KIAA1671: variants seen among roughly 807,000 people sequenced by gnomAD.
KIAA1671 encodes KIAA1671, also known as uncharacterized protein KIAA1671.
A neutral mutation model predicts 131.2 loss-of-function variants in KIAA1671; 52 were observed. That is an observed-to-expected ratio of 0.40 (90% CI 0.32 to 0.50). The LOEUF (loss-of-function observed/expected upper bound fraction) is 0.50. KIAA1671 is among the 20% of genes least tolerant of loss of function. KIAA1671 has a pLI of 0.73. For synonymous variants in KIAA1671, 1,003 were observed against 961.6 expected (o/e 1.04, Z -0.80); for missense variants, 2,360 against 2,364.2 (o/e 1.00, Z 0.04).
At chr22:25,158,142 CA>C (rs1299116286) in intron 6 of KIAA1671, among the ~76,000 whole-genome samples, 5 of 152,160 alleles carry the variant, frequency 3.3e-5, no homozygotes, top group African/African-American at 1.2e-4. Flanking sequence ...TTATAAAAAA[CA>C]ATTTGTTTTA....
intron 5 of KIAA1671, among the ~76,000 whole-genome samples, chr22:25,043,281 G>A (rs1436304250): frequency 6.6e-6 from 1 of 152,196 alleles, no homozygotes; most frequent in Non-Finnish European, 1.5e-5. Flanking sequence ...GCTCTAGGGT[G>A]TTGGCAGAGG....
At chr22:25,133,628 G>C (rs770822152) in intron 6 of KIAA1671, among the ~76,000 whole-genome samples, 1 of 152,048 alleles carries the variant, frequency 6.6e-6, no homozygotes, top group Non-Finnish European at 1.5e-5. Context: ...CTGCAGCCTC[G>C]AACTCCTGGG....
intron 6 of KIAA1671, among the ~76,000 whole-genome samples, chr22:25,113,911 C>T (rs1931520823): frequency 6.6e-6 from 1 of 152,210 alleles, no homozygotes; most frequent in African/African-American, 2.4e-5. Context: ...CTGTTTGTTT[C>T]TCTGTCACTC....
chr22:24,981,376 G>T (rs1655177114), intron 1 of KIAA1671, among the ~76,000 whole-genome samples: 2 of 152,140 alleles, frequency 1.3e-5, no homozygotes, highest in South Asian at 4.1e-4. Context: ...ACTGACCCGG[G>T]GCACACCCTG....
chr22:25,151,637 G>A (rs530587359), intron 6 of KIAA1671, among the ~76,000 whole-genome samples: 176 of 151,896 alleles, frequency 1.2e-3, no homozygotes, highest in African/African-American at 4.1e-3. Context: ...CACCATGTTG[G>A]CCAGGCTACT....
rs1926357032 is a variant in KIAA1671, at chr22:25,032,674, T to G, written c.1607T>G (p.Phe536Cys). ...AAGAGTGCTGAGCTGAGCGGCGAGT[T>G]TCCTAAGGAACCGAGAGAAAAGGTA... ...YEKSAELSGE[F>C]PKEPREKQKE... The change falls in exon 4 of 13, where the codon TTT becomes TGT. Residue 536 changes from phenylalanine to cysteine, a missense_variant. Around this residue, in one of 3 missense-constraint regions of KIAA1671, gnomAD observed 1,185 missense variants for 1,126.2 expected, o/e 1.05. Coordinates refer to ENST00000358431, the MANE Select transcript of KIAA1671 (RefSeq NM_001145206.2). 6.5e-7 allele frequency: 1 copy of G among 1,546,616 alleles called. No individual in the cohort carries two copies. Among genetic ancestry groups the G allele is most frequent in the Admixed American group, 2.0e-5 (1 of 50,940 alleles).
intron 1 of KIAA1671, among the ~76,000 whole-genome samples, chr22:24,957,185 G>A (rs1000380630): frequency 9.2e-5 from 14 of 152,138 alleles, no homozygotes; most frequent in African/African-American, 3.4e-4. Flanking sequence ...CCTGGTGTGT[G>A]CCTGTGTGTG....
intron 6 of KIAA1671, among the ~76,000 whole-genome samples, chr22:25,125,429 A>G (rs1017228591): frequency 2.0e-5 from 3 of 152,170 alleles, no homozygotes; most frequent in Non-Finnish European, 4.4e-5. Context: ...CACCTAGTTC[A>G]TAGTCGACCA....
chr22:25,026,826 T>C (rs1925969026), intron 2 of KIAA1671, among the ~76,000 whole-genome samples: 1 of 152,194 alleles, frequency 6.6e-6, no homozygotes, highest in African/African-American at 2.4e-5. Flanking sequence ...TCTGGGCCCT[T>C]TCCCTTCATC....
chr22:25,155,827 CTG>C (rs1274546145), intron 6 of KIAA1671, among the ~76,000 whole-genome samples: 11 of 150,842 alleles, frequency 7.3e-5, no homozygotes, highest in African/African-American at 2.7e-4. Flanking sequence ...TATATTTTTT[CTG>C]TGTCTATGCA....
At chr22:25,148,807 T>C (rs1601357724) in intron 6 of KIAA1671, among the ~76,000 whole-genome samples, 1 of 152,234 alleles carries the variant, frequency 6.6e-6, no homozygotes, top group South Asian at 2.1e-4. Context: ...CTCCCGTAAG[T>C]GCTCTGGTCT....
chr22:24,954,762 C>T (rs1389942724), intron 1 of KIAA1671, among the ~76,000 whole-genome samples: 1 of 151,992 alleles, frequency 6.6e-6, no homozygotes, highest in African/African-American at 2.4e-5. Flanking sequence ...TGCTTTTTTT[C>T]GTTTGTTTTG....
intron 1 of KIAA1671, among the ~76,000 whole-genome samples, chr22:25,005,942 C>T (rs1418990932): frequency 6.6e-6 from 1 of 152,164 alleles, no homozygotes. Context: ...TTTGCATGCT[C>T]TCCAACAGCA....
At chr22:25,032,813 C>G in intron 4 of KIAA1671, 117 bp downstream of exon 4, 1 of 527,452 alleles carries the variant, frequency 1.9e-6, no homozygotes, top group East Asian at 3.0e-5. Flanking sequence ...GTCATGCACA[C>G]GATAAAACAT....
chr22:24,974,881 G>T (rs561755575), intron 1 of KIAA1671, among the ~76,000 whole-genome samples: 1 of 151,768 alleles, frequency 6.6e-6, no homozygotes, highest in East Asian at 1.9e-4. Flanking sequence ...TTTAGTAGAG[G>T]TGGAGTTTCA....
At chr22:25,054,402 C>G (rs1457502396) in intron 6 of KIAA1671, 1 of 149,850 alleles carries the variant, frequency 6.7e-6, no homozygotes, top group Non-Finnish European at 1.5e-5. Flanking sequence ...AATGAGGCTC[C>G]TCTCCGTGGC....
chr22:25,184,833 C>A, intron 10 of KIAA1671, 144 bp from the exon 11 acceptor site: 1 of 853,336 alleles, frequency 1.2e-6, no homozygotes, highest in Non-Finnish European at 1.9e-6. Context: ...CTTTTCTCAG[C>A]CCCCATGTTT....
rs942577167 is a variant in KIAA1671, at chr22:25,029,053, C to T, written c.1054C>T (p.Arg352Cys). Reference sequence around the variant, plus strand: ...CTTCCTGGAGGTGGCCAAGAAAATCCGTGAACGGAAGGAGAAGATGCTTTC... The same window carrying T: ...CTTCCTGGAGGTGGCCAAGAAAATCTGTGAACGGAAGGAGAAGATGCTTTC... Reference protein sequence around the residue: ...LDFLEVAKKIRERKEKMLSKP... With the variant: ...LDFLEVAKKICERKEKMLSKP... Residue 352 changes from arginine to cysteine, a missense_variant, in exon 3 of 13, where the codon CGT (arginine) becomes TGT (cysteine). Physicochemically the swap from Arg to Cys is radical, Grantham distance 180. Around this residue, in one of 3 missense-constraint regions of KIAA1671, gnomAD observed 1,185 missense variants for 1,126.2 expected, o/e 1.05. Transcript: ENST00000358431. The T allele has an allele frequency of 1.7e-5, 26 of 1,506,082 alleles. No homozygotes were observed. The highest frequency in any genetic ancestry group is 2.5e-5 in the East Asian group (1 of 40,564). 93.3% of individuals were successfully genotyped at this position (1,506,082 alleles called of 1,614,324 possible). A position where few individuals can be genotyped will look rare whatever the true frequency, so the allele number is the denominator to read the frequency against.
At chr22:25,052,624 G>A (rs1005742577) in intron 6 of KIAA1671, 3 of 152,014 alleles carry the variant, frequency 2.0e-5, no homozygotes, top group South Asian at 2.1e-4. Context: ...GTGGTAGCCC[G>A]GTGGGAGGAC....
Sources: allele counts gnomAD v4.1 joint callset (sites outside exome capture counted in the v4.1 genomes callset), GRCh38; gene constraint gnomAD v4.1.1; regional missense constraint gnomAD v4.1.1; transcripts MANE v1.5; gene names NCBI Gene and HGNC (gene_info 2026-07-23, HGNC 2026-07-21).